OSBPL6: variants seen among roughly 807,000 people sequenced by gnomAD.
OSBPL6 encodes oxysterol binding protein like 6, also known as oxysterol-binding protein-related protein 6.
In OSBPL6, 49 loss-of-function variants were observed where a neutral mutation model predicts 125.8. That is an observed-to-expected ratio of 0.39 (90% CI 0.31 to 0.49). OSBPL6 has a LOEUF of 0.49. OSBPL6 is among the 20% of genes least tolerant of loss of function. The pLI is 0.88. For missense variants in OSBPL6, 986 were observed against 1,135.4 expected (o/e 0.87, Z 1.89); for synonymous variants, 394 against 391.8 (o/e 1.01, Z -0.07).
At chr2:178,312,902 C>CT (rs982176798) in intron 3 of OSBPL6, among the ~76,000 whole-genome samples, 8 of 150,070 alleles carry the variant, frequency 5.3e-5, no homozygotes, top group East Asian at 3.9e-4. Flanking sequence ...TTCCTTCTTT[C>CT]TTTTTTTTTG....
chr2:178,289,331 T>C (rs575971696), intron 2 of OSBPL6, among the ~76,000 whole-genome samples: 1 of 152,310 alleles, frequency 6.6e-6, no homozygotes, highest in East Asian at 1.9e-4. Flanking sequence ...TTGTTTTCTA[T>C]ATTTTAAAAA....
In OSBPL6 at chr2:178,388,890, C is replaced by T. The variant is rs3731757; in HGVS notation, c.2157-119C>T. The T allele has an allele frequency of 5.3e-5, 56 of 1,058,362 alleles. No homozygotes were observed. In the East Asian group the frequency reaches 1.2e-3, roughly 23 times the overall value. 65.6% of individuals were successfully genotyped at this position (1,058,362 alleles called of 1,614,324 possible). ...TGACCACAGAGAGAATTTCAAGACA[C>T]AAATGGGAGGAGAATGAGGGAAAAG... is the stretch of plus-strand genomic sequence containing the variant. On this transcript the variant is annotated intron_variant, in intron 20 of 24. Coordinates refer to ENST00000190611, the MANE Select transcript of OSBPL6 (RefSeq NM_032523.4).
intron 11 of OSBPL6, among the ~76,000 whole-genome samples, chr2:178,340,172 A>T (rs551359820): frequency 1.5e-4 from 23 of 152,232 alleles, no homozygotes; most frequent in Admixed American, 1.2e-3. Flanking sequence ...TCTATCAAGA[A>T]AAAGTGTAGG....
chr2:178,339,098 A>G lies in OSBPL6; in HGVS notation c.894+4A>G, dbSNP rs1264050063. Reference sequence around the variant, plus strand: ...ACCTAACTTTACTGACATGCAGGTAAACATATTCCTGCTGCTGGTAAAAGG... The same window carrying G: ...ACCTAACTTTACTGACATGCAGGTAGACATATTCCTGCTGCTGGTAAAAGG... On this transcript the variant is annotated splice_donor_region_variant and intron_variant, in intron 10 of 24. Transcript: ENST00000190611. 2 of 1,560,594 alleles carry G rather than the reference A, an allele frequency of 1.3e-6. No homozygotes were observed. Among genetic ancestry groups the G allele is most frequent in the African/African-American group, 2.7e-5 (2 of 73,654 alleles).
intron 1 of OSBPL6, among the ~76,000 whole-genome samples, chr2:178,265,750 T>C (rs2092213293): frequency 1.3e-5 from 2 of 152,152 alleles, no homozygotes; most frequent in South Asian, 4.1e-4. Context: ...CGTAAACTTT[T>C]TTATTTTCTT....
chr2:178,296,372 TA>T (rs1685754501), intron 2 of OSBPL6, among the ~76,000 whole-genome samples: 1 of 152,120 alleles, frequency 6.6e-6, no homozygotes, highest in African/African-American at 2.4e-5. Context: ...GAGACTTCAG[TA>T]AATTGCCTGA....
chr2:178,386,748 C>T (rs1474919014), intron 19 of OSBPL6, among the ~76,000 whole-genome samples: 1 of 151,782 alleles, frequency 6.6e-6, no homozygotes, highest in Non-Finnish European at 1.5e-5. Context: ...CACACACACA[C>T]ACCGCACACA....
intron 2 of OSBPL6, among the ~76,000 whole-genome samples, chr2:178,297,304 A>G (rs1435293208): frequency 6.6e-6 from 1 of 152,192 alleles, no homozygotes; most frequent in Non-Finnish European, 1.5e-5. Context: ...ATATAGTAAA[A>G]TTAAAGAACT....
rs1436397293 is a variant in OSBPL6 at position 178,334,905 on chromosome 2, T to G, written c.658-1396T>G. Among the ~76,000 whole-genome samples the G allele has an allele frequency of 2.6e-5, 4 of 152,154 alleles. No individual in the cohort carries two copies. The East Asian group carries it at 7.7e-4, about 29-fold the overall frequency. On this transcript the variant is annotated intron_variant, in intron 8 of 24. Coordinates refer to ENST00000190611, the MANE Select transcript of OSBPL6 (RefSeq NM_032523.4). ...TTTTTCTAGGAATAGGGTGTTGGAT[T>G]AACCCTAATACCAACCAGTTCTGAA...
intron 5 of OSBPL6, 54 bp from the exon 6 acceptor site, chr2:178,331,498 T>A: frequency 6.4e-7 from 1 of 1,568,736 alleles, no homozygotes; most frequent in Non-Finnish European, 8.8e-7. Context: ...CATTTGTGAA[T>A]GTTTTATGTA....
At chr2:178,313,128 T>A (rs1411231318) in intron 3 of OSBPL6, among the ~76,000 whole-genome samples, 1 of 152,050 alleles carries the variant, frequency 6.6e-6, no homozygotes, top group Non-Finnish European at 1.5e-5. Context: ...ATTCCTGATC[T>A]CAGGAGGTCC....
chr2:178,280,581 A>C (rs1222974573), intron 1 of OSBPL6, among the ~76,000 whole-genome samples: 1 of 152,230 alleles, frequency 6.6e-6, no homozygotes, highest in Non-Finnish European at 1.5e-5. Flanking sequence ...CTGTTCTTTG[A>C]CATTTCATAT....
chr2:178,309,250 A>G (rs980784615), intron 3 of OSBPL6, among the ~76,000 whole-genome samples: 2 of 152,012 alleles, frequency 1.3e-5, no homozygotes, highest in Non-Finnish European at 2.9e-5. Flanking sequence ...TGACGGTTCT[A>G]TATTGCTTAT....
intron 11 of OSBPL6, among the ~76,000 whole-genome samples, chr2:178,348,142 A>G (rs1440001906): frequency 6.6e-6 from 1 of 152,178 alleles, no homozygotes; most frequent in Non-Finnish European, 1.5e-5. Context: ...TTAAAGCAAA[A>G]ACCAAAAAAT....
intron 2 of OSBPL6, among the ~76,000 whole-genome samples, chr2:178,286,409 T>C (rs529561143): frequency 1.3e-4 from 20 of 152,372 alleles, no homozygotes; most frequent in African/African-American, 4.8e-4. Flanking sequence ...TGAGGTCACT[T>C]CTATGTACTT....
intron 1 of OSBPL6, among the ~76,000 whole-genome samples, chr2:178,281,637 A>T (rs1439747681): frequency 6.6e-6 from 1 of 152,112 alleles, no homozygotes; most frequent in East Asian, 1.9e-4. Context: ...GTATTTGATC[A>T]TGTCCTTTGC....
chr2:178,210,812 C>CAAAA (rs753869824), intron 1 of OSBPL6, among the ~76,000 whole-genome samples: 1 of 134,774 alleles, frequency 7.4e-6, no homozygotes, highest in African/African-American at 2.7e-5. Context: ...GACAATGTTT[C>CAAAA]AAAAAAAAAA....
At chr2:178,272,823 A>G (rs2092398925) in intron 1 of OSBPL6, among the ~76,000 whole-genome samples, 1 of 152,242 alleles carries the variant, frequency 6.6e-6, no homozygotes, top group Admixed American at 6.5e-5. Flanking sequence ...TGCCATGGGC[A>G]TAAGTGCAAA....
chr2:178,317,465 T>TATATATATAC (rs1687852533), intron 3 of OSBPL6, among the ~76,000 whole-genome samples: 1 of 99,290 alleles, frequency 1.0e-5, no homozygotes. Context: ...TATATATATA[T>TATATATATAC]ATATATATAT....
Sources: gnomAD v4.1 joint callset for allele counts (sites outside exome capture counted in the v4.1 genomes callset) on GRCh38, gnomAD v4.1.1 for gene constraint, MANE v1.5 for transcripts, NCBI Gene and HGNC (gene_info 2026-07-23, HGNC 2026-07-21) for gene names.